The following PTPRT variants were observed in gnomAD, a reference collection of about 807,000 sequenced individuals.
The protein encoded by PTPRT is protein tyrosine phosphatase receptor type T.
PTPRT carries 56 observed loss-of-function variants against 176.8 expected under a neutral mutation model. The ratio of observed to expected loss-of-function variants is 0.32; its 90% CI spans 0.26 to 0.40. The LOEUF is 0.40. PTPRT is among the 10% of genes least tolerant of loss of function. The pLI, the probability that PTPRT is intolerant of heterozygous loss-of-function variation, is 1.00. For missense variants in PTPRT, 1,540 were observed against 1,908.2 expected (o/e 0.81, Z 3.60); for synonymous variants, 783 against 739.0 (o/e 1.06, Z -0.96).
intron 7 of PTPRT, among the ~76,000 whole-genome samples, chr20:42,486,789 G>C (rs918584854): frequency 3.3e-5 from 5 of 152,110 alleles, no homozygotes; most frequent in South Asian, 2.1e-4. Context: ...TAGCCCCTCA[G>C]AGTAAGTTCT....
chr20:42,935,299 C>T (rs921249464), intron 1 of PTPRT, among the ~76,000 whole-genome samples: 1 of 151,628 alleles, frequency 6.6e-6, no homozygotes, highest in African/African-American at 2.4e-5. Flanking sequence ...ACCAGCACAC[C>T]CGGCTAATTT....
At chr20:42,659,733 T>G (rs2075189923) in intron 7 of PTPRT, among the ~76,000 whole-genome samples, 1 of 152,198 alleles carries the variant, frequency 6.6e-6, no homozygotes, top group Admixed American at 6.5e-5. Context: ...TTTTATTGTG[T>G]TTAGTTCATA....
intron 11 of PTPRT, among the ~76,000 whole-genome samples, chr20:42,336,155 C>T (rs1216140406): frequency 6.6e-6 from 1 of 151,776 alleles, no homozygotes; most frequent in Non-Finnish European, 1.5e-5. Flanking sequence ...AGTAATATAC[C>T]ATTTGGCTCT....
At chr20:42,779,812 C>A (rs1366774877) in intron 4 of PTPRT, among the ~76,000 whole-genome samples, 2 of 150,806 alleles carry the variant, frequency 1.3e-5, no homozygotes, top group Non-Finnish European at 2.9e-5. Flanking sequence ...TGTGAGGGAA[C>A]AGTGTGCTAA....
At chr20:42,547,977 A>C (rs894447210) in intron 7 of PTPRT, among the ~76,000 whole-genome samples, 1 of 152,084 alleles carries the variant, frequency 6.6e-6, no homozygotes, top group Non-Finnish European at 1.5e-5. Context: ...ATACTATGAT[A>C]ACAAAAACTA....
chr20:43,035,235 C>G (rs545910277), intron 1 of PTPRT, among the ~76,000 whole-genome samples: 1 of 152,222 alleles, frequency 6.6e-6, no homozygotes, highest in East Asian at 1.9e-4. Context: ...TCTGCAAGAA[C>G]ACTCCCGCCT....
chr20:42,249,930 C>T (rs6030087), intron 13 of PTPRT, among the ~76,000 whole-genome samples: 83,837 of 151,940 alleles, frequency 0.55, 23,481 homozygotes, highest in Non-Finnish European at 0.57. Context: ...TTCCTATTGG[C>T]GCCAGCCTTT....
At chr20:42,608,269 C>T (rs1038977841) in intron 7 of PTPRT, among the ~76,000 whole-genome samples, 2 of 152,170 alleles carry the variant, frequency 1.3e-5, no homozygotes, top group Non-Finnish European at 2.9e-5. Context: ...CTGATGAACA[C>T]ACATCATGAT....
At chr20:42,371,551 A>T (rs1160346423) in intron 9 of PTPRT, among the ~76,000 whole-genome samples, 2 of 152,234 alleles carry the variant, frequency 1.3e-5, no homozygotes, top group Non-Finnish European at 2.9e-5. Flanking sequence ...CAAAAGGGCC[A>T]TGTTGGCTCT....
At chr20:42,186,035 T>C (rs548642131) in intron 16 of PTPRT, among the ~76,000 whole-genome samples, 5 of 151,976 alleles carry the variant, frequency 3.3e-5, no homozygotes, top group Admixed American at 6.6e-5. Context: ...TCATAGCACC[T>C]AACAAAAGAA....
At chr20:42,623,157 T>C (rs184101335) in intron 7 of PTPRT, among the ~76,000 whole-genome samples, 6 of 152,332 alleles carry the variant, frequency 3.9e-5, no homozygotes, top group Admixed American at 3.9e-4. Context: ...ATGTGCAGCC[T>C]CATTCTTCCT....
At chr20:43,163,120 C>G (rs1397265141) in intron 1 of PTPRT, among the ~76,000 whole-genome samples, 2 of 152,198 alleles carry the variant, frequency 1.3e-5, no homozygotes, top group African/African-American at 4.8e-5. Context: ...GGAACTGTGG[C>G]AATCCTTACA....
In PTPRT at chr20:42,666,662, T is replaced by A. The variant is rs567066076; in HGVS notation, c.1153+11204A>T. ...TTTGCTAATCCAACAACATGACATATGGCCATTTGTTCAGGTCTTGTTTTC... is the reference window on the plus strand; with the variant it reads ...TTTGCTAATCCAACAACATGACATAAGGCCATTTGTTCAGGTCTTGTTTTC... On this transcript the variant is annotated intron_variant, in intron 7 of 30. Coordinates refer to ENST00000373187, the MANE Select transcript of PTPRT (RefSeq NM_007050.6). Among the ~76,000 whole-genome samples the A allele has an allele frequency of 7.9e-4, 121 of 152,332 alleles. 1 individual carries two copies. The highest frequency in any genetic ancestry group is 2.8e-3 in the African/African-American group (115 of 41,594).
chr20:42,864,844 G>C (rs2078719161), intron 2 of PTPRT, among the ~76,000 whole-genome samples: 1 of 152,142 alleles, frequency 6.6e-6, no homozygotes, highest in Non-Finnish European at 1.5e-5. Flanking sequence ...TAAAAACTTA[G>C]CACAAATCTA....
chr20:42,091,053 G>A (rs936124097), intron 27 of PTPRT, among the ~76,000 whole-genome samples: 5 of 151,468 alleles, frequency 3.3e-5, no homozygotes, highest in East Asian at 3.9e-4. Context: ...TGAACACACC[G>A]GGGAGAGGAA....
chr20:42,700,943 C>A (rs2075965327), intron 6 of PTPRT, among the ~76,000 whole-genome samples: 1 of 152,158 alleles, frequency 6.6e-6, no homozygotes, highest in Non-Finnish European at 1.5e-5. Context: ...GAGCCTATAG[C>A]CAGGCAGAGC....
chr20:43,121,891 A>G (rs1179200880), intron 1 of PTPRT, among the ~76,000 whole-genome samples: 2 of 152,194 alleles, frequency 1.3e-5, no homozygotes, highest in Non-Finnish European at 2.9e-5. Context: ...CATCTCACAT[A>G]AAGTGTTCTA....
intron 6 of PTPRT, among the ~76,000 whole-genome samples, chr20:42,756,069 G>A (rs960949346): frequency 1.3e-5 from 2 of 152,132 alleles, no homozygotes; most frequent in African/African-American, 2.4e-5. Flanking sequence ...ATTGTATTGA[G>A]TTTTCAATTT....
intron 7 of PTPRT, among the ~76,000 whole-genome samples, chr20:42,514,382 G>C (rs2072020678): frequency 6.6e-6 from 1 of 152,074 alleles, no homozygotes; most frequent in Admixed American, 6.6e-5. Context: ...CAATTTCTCA[G>C]TTCTTTGTGA....
Sources: gnomAD v4.1 joint callset for allele counts (sites outside exome capture counted in the v4.1 genomes callset) on GRCh38, gnomAD v4.1.1 for gene constraint, MANE v1.5 for transcripts, NCBI Gene and HGNC (gene_info 2026-07-23, HGNC 2026-07-21) for gene names.